The following DPF3 variants were observed in gnomAD, a reference collection of about 807,000 sequenced individuals.
DPF3 encodes zinc finger protein DPF3.
A neutral mutation model predicts 56.8 loss-of-function variants in DPF3; 18 were observed. That is an observed-to-expected ratio of 0.32 (90% CI 0.22 to 0.47). The LOEUF (loss-of-function observed/expected upper bound fraction) is 0.47. DPF3 is among the 20% of genes least tolerant of loss of function. The pLI is 1.00. For missense variants in DPF3, 403 were observed against 488.8 expected (o/e 0.82, Z 1.65); for synonymous variants, 188 against 180.2 (o/e 1.04, Z -0.35).
At chr14:72,631,907 C>T (rs1435498735) in intron 8 of DPF3, among the ~76,000 whole-genome samples, 1 of 152,202 alleles carries the variant, frequency 6.6e-6, no homozygotes, top group East Asian at 1.9e-4. Context: ...GATCTTTAAG[C>T]TGATATGTGT....
chr14:72,740,093 G>A lies in DPF3; in HGVS notation c.302-8159C>T, dbSNP rs192771940. ...AGGGAGGGGGCTACGCTGACATCCAGGCAAAGACGTTCCAGGCAAAGGGGC... is the reference window on the plus strand; with the variant it reads ...AGGGAGGGGGCTACGCTGACATCCAAGCAAAGACGTTCCAGGCAAAGGGGC... On this transcript the variant is annotated intron_variant, in intron 3 of 10. Transcript: ENST00000556509. Among the ~76,000 whole-genome samples, 10 of 152,264 alleles carry A rather than the reference G, an allele frequency of 6.6e-5. No individual in the cohort carries two copies. The East Asian group carries it at 1.9e-3, about 30-fold the overall frequency.
rs1382927688 is a variant in DPF3 at position 72,743,431 on chromosome 14, T to G, written c.301+9833A>C. Among the ~76,000 whole-genome samples the G allele has an allele frequency of 4.6e-5, 7 of 152,262 alleles. No homozygotes were observed. The East Asian group carries it at 1.4e-3, about 29-fold the overall frequency. On this transcript the variant is annotated intron_variant, in intron 3 of 10. Transcript: ENST00000556509. Reference sequence around the variant, plus strand: ...CCCTGGGAAATTAGCTTCCTAATTCTGTGCCGCAGTTTCCCAACCTCTAAA... The same window carrying G: ...CCCTGGGAAATTAGCTTCCTAATTCGGTGCCGCAGTTTCCCAACCTCTAAA...
At chr14:72,719,961 C>T (rs866038383) in intron 5 of DPF3, among the ~76,000 whole-genome samples, 3 of 152,028 alleles carry the variant, frequency 2.0e-5, no homozygotes, top group African/African-American at 7.2e-5. Flanking sequence ...TAGCCCTGGC[C>T]TCCTCAGTGA....
At chr14:72,688,843 C>T (rs1887547349) in intron 7 of DPF3, among the ~76,000 whole-genome samples, 2 of 152,208 alleles carry the variant, frequency 1.3e-5, no homozygotes, top group Admixed American at 6.5e-5. Context: ...ATGCAGCCCA[C>T]ATGCAGAGGA....
At chr14:72,727,306 G>A (rs531625947) in intron 4 of DPF3, among the ~76,000 whole-genome samples, 15 of 152,262 alleles carry the variant, frequency 9.9e-5, no homozygotes, top group African/African-American at 3.1e-4. Flanking sequence ...GACCAGATGC[G>A]GTGGCTCACG....
Position 72,615,355 on chromosome 14 carries a change from G to A in DPF3, c.*3942C>T, listed in dbSNP as rs1451978485. Among the ~76,000 whole-genome samples the A allele has an allele frequency of 6.6e-6, 1 of 152,156 alleles. No homozygotes were observed. The highest frequency in any genetic ancestry group is 2.4e-5 in the African/African-American group (1 of 41,430). The stretch of plus-strand genomic sequence containing the variant: ...TCTTCAGCGGCATAAAAGAGCACAG[G>A]TCTCCTCCACTTGCCCCGAAAGGAA... On this transcript the variant is annotated 3_prime_UTR_variant, in exon 11 of 11. Transcript: ENST00000556509.
At chr14:72,857,840 G>A (rs567726002) in intron 1 of DPF3, among the ~76,000 whole-genome samples, 2 of 152,100 alleles carry the variant, frequency 1.3e-5, no homozygotes, top group Non-Finnish European at 2.9e-5. Flanking sequence ...GCCCACCTCA[G>A]CCTCTCAAAG....
At chr14:72,683,320 C>T (rs529094263) in intron 7 of DPF3, among the ~76,000 whole-genome samples, 213 of 132,672 alleles carry the variant, frequency 1.6e-3, no homozygotes, top group African/African-American at 6.0e-3. Context: ...GAACAAGACC[C>T]CATCTCAAAA....
chr14:72,794,055 G>C (rs1201425548), intron 1 of DPF3, among the ~76,000 whole-genome samples: 6 of 152,214 alleles, frequency 3.9e-5, no homozygotes, highest in Admixed American at 2.0e-4. Context: ...AAGCGCTTCA[G>C]TGAAAGGCTG....
intron 1 of DPF3, among the ~76,000 whole-genome samples, chr14:72,810,697 C>T (rs1490725095): frequency 4.6e-5 from 7 of 152,188 alleles, no homozygotes; most frequent in South Asian, 2.1e-4. Flanking sequence ...ACCCACATCA[C>T]GTTTCATCAG....
chr14:72,640,283 G>A (rs79243971), intron 8 of DPF3, among the ~76,000 whole-genome samples: 2,009 of 152,184 alleles, frequency 0.013, 38 homozygotes, highest in African/African-American at 0.046. Flanking sequence ...GGGACTCCTC[G>A]GAGGTTTTTA....
At chr14:72,735,629 C>T (rs1889860342) in intron 3 of DPF3, among the ~76,000 whole-genome samples, 1 of 152,226 alleles carries the variant, frequency 6.6e-6, no homozygotes, top group South Asian at 2.1e-4. Context: ...GTCACAGAGA[C>T]ATGTAGTGGC....
At chr14:72,675,145 C>T (rs1358571811) in intron 7 of DPF3, among the ~76,000 whole-genome samples, 3 of 152,232 alleles carry the variant, frequency 2.0e-5, no homozygotes, top group Non-Finnish European at 4.4e-5. Flanking sequence ...AACTTCAAAA[C>T]CCACTCCTGC....
At chr14:72,858,111 C>A (rs1211780175) in intron 1 of DPF3, among the ~76,000 whole-genome samples, 1 of 151,888 alleles carries the variant, frequency 6.6e-6, no homozygotes, top group African/African-American at 2.4e-5. Context: ...TCAAGACTAG[C>A]CTGGGCAACA....
chr14:72,648,681 C>T (rs74062326), intron 8 of DPF3, among the ~76,000 whole-genome samples: 1,781 of 152,144 alleles, frequency 0.012, 31 homozygotes, highest in African/African-American at 0.04. Flanking sequence ...CGGGAATGAA[C>T]GGTCTCAGCT....
intron 1 of DPF3, among the ~76,000 whole-genome samples, chr14:72,796,756 A>T (rs541030033): frequency 6.6e-6 from 1 of 152,136 alleles, no homozygotes. Context: ...TTCATCTTCA[A>T]CTCCCAACTC....
At position 72,769,898 on chromosome 14, in the gene DPF3, G is replaced by A. The variant is rs550794236; in HGVS notation, c.193+1835C>T. Reference sequence around the variant, plus strand: ...AACCAACTCATTATTTTGAAAACTGGTAAATAGAGGGGAAAAAAGTCATTT... The same window carrying A: ...AACCAACTCATTATTTTGAAAACTGATAAATAGAGGGGAAAAAAGTCATTT... On this transcript the variant is annotated intron_variant, in intron 2 of 10. Transcript: ENST00000556509. 4.6e-5 allele frequency among the ~76,000 whole-genome samples: 7 copies of A among 152,136 alleles called. No individual in the cohort carries two copies. The East Asian group carries it at 9.7e-4, about 21-fold the overall frequency.
intron 8 of DPF3, among the ~76,000 whole-genome samples, chr14:72,646,187 A>G (rs1885718472): frequency 6.6e-6 from 1 of 152,244 alleles, no homozygotes; most frequent in African/African-American, 2.4e-5. Flanking sequence ...GATATGAATA[A>G]AAGAATAATA....
intron 8 of DPF3, chr14:72,669,998 AGGTG>A: frequency 1.0e-6 from 1 of 985,962 alleles, no homozygotes; most frequent in Non-Finnish European, 1.2e-6. Context: ...ACTGTCAGTG[AGGTG>A]GGTGGCCTTC....
Sources: allele counts gnomAD v4.1 joint callset (sites outside exome capture counted in the v4.1 genomes callset), GRCh38; gene constraint gnomAD v4.1.1; transcripts MANE v1.5; gene names NCBI Gene and HGNC (gene_info 2026-07-23, HGNC 2026-07-21).